PROCR: variants seen among roughly 807,000 people sequenced by gnomAD.
PROCR encodes the protein protein C receptor.
In PROCR, 22 loss-of-function variants were observed where a neutral mutation model predicts 24.2. That is an observed-to-expected ratio of 0.91 (90% confidence interval 0.65 to 1.30). The LOEUF (loss-of-function observed/expected upper bound fraction) is 1.30. Among genes scored for constraint, PROCR ranks in the 50% most tolerant of loss-of-function variants. The pLI is 0.00. For missense variants in PROCR, 288 were observed against 307.7 expected, an observed-to-expected ratio of 0.94 and a Z score of 0.48; for synonymous variants, 137 against 139.2, an observed-to-expected ratio of 0.98 and a Z score of 0.11.
At chr20:35,187,821 C>T (rs187343128) in intron 1 of PROCR, among the ~76,000 whole-genome samples, 1 of 152,266 alleles carries the variant, frequency 6.6e-6, no homozygotes, top group East Asian at 1.9e-4. Context: ...AGGTATCTCC[C>T]AGCTCTGATA....
At chr20:35,212,572 C>A (rs549500546) in intron 1 of PROCR, among the ~76,000 whole-genome samples, 10 of 152,280 alleles carry the variant, frequency 6.6e-5, no homozygotes, top group Non-Finnish European at 1.3e-4. Flanking sequence ...AAGGTCTTGT[C>A]GTAACAGTAA....
chr20:35,205,212 G>T (rs934544531), intron 1 of PROCR, among the ~76,000 whole-genome samples: 1 of 151,566 alleles, frequency 6.6e-6, no homozygotes, highest in Non-Finnish European at 1.5e-5. Flanking sequence ...GGTGGAAGTT[G>T]CAGTGAGCTG....
intron 1 of PROCR, among the ~76,000 whole-genome samples, chr20:35,211,618 G>A (rs971725103): frequency 6.6e-6 from 1 of 152,164 alleles, no homozygotes; most frequent in Non-Finnish European, 1.5e-5. Context: ...GCTAGGTAAT[G>A]TATGAGGTGC....
chr20:35,184,388 T>G (rs1316392393), intron 1 of PROCR, among the ~76,000 whole-genome samples: 2 of 152,196 alleles, frequency 1.3e-5, no homozygotes, highest in African/African-American at 4.8e-5. Context: ...ATCTTTTACC[T>G]TATACAAAAA....
In PROCR at chr20:35,174,735, A is replaced by G; in HGVS notation, c.104A>G (p.Tyr35Cys). Reference protein sequence around the residue: ...LQRLHMLQISYFRDPYHVWYQ... With the variant: ...LQRLHMLQISCFRDPYHVWYQ... ...AGACTTCATATGCTCCAGATCTCCTACTTCCGCGACCCCTATCACGTGTGG... is the reference window on the plus strand; with the variant it reads ...AGACTTCATATGCTCCAGATCTCCTGCTTCCGCGACCCCTATCACGTGTGG... The change falls in exon 2 of 4, where the codon TAC (tyrosine) becomes TGC (cysteine). Residue 35 changes from tyrosine (Y) to cysteine (C), a missense_variant. By Grantham distance (194) the Tyr-to-Cys change is radical (BLOSUM62 -2). Coordinates refer to ENST00000216968, the MANE Select transcript of PROCR (RefSeq NM_006404.5). 2 of 1,613,952 alleles carry G rather than the reference A, an allele frequency of 1.2e-6. No homozygotes were observed. Among genetic ancestry groups the G allele is most frequent in the South Asian group, 2.2e-5 (2 of 91,072 alleles).
intron 1 of PROCR, chr20:35,174,420 C>T: frequency 8.1e-6 from 4 of 496,714 alleles, no homozygotes; most frequent in Middle Eastern, 1.1e-3. Flanking sequence ...TAACAGGAAA[C>T]GGGGGGAGGG....
downstream of PROCR, chr20:35,177,443 C>CTTTTTTT (rs397865849): frequency 2.6e-4 from 147 of 569,200 alleles, no homozygotes; most frequent in African/African-American, 1.5e-3. Context: ...CTCACTCATT[C>CTTTTTTT]TTTTTTTTTT....
At chr20:35,192,435 G>A (rs1419361751) in intron 1 of PROCR, among the ~76,000 whole-genome samples, 1 of 152,202 alleles carries the variant, frequency 6.6e-6, no homozygotes. Flanking sequence ...CAGGGTGGGA[G>A]AATTTATCAG....
At chr20:35,211,790 G>C (rs1450113253) in intron 1 of PROCR, among the ~76,000 whole-genome samples, 1 of 152,150 alleles carries the variant, frequency 6.6e-6, no homozygotes, top group African/African-American at 2.4e-5. Context: ...GAGGCAGGAG[G>C]ATCACCCGAG....
chr20:35,174,317 C>T, intron 1 of PROCR: 1 of 321,378 alleles, frequency 3.1e-6, no homozygotes, highest in Non-Finnish European at 6.1e-6. Context: ...CGGATGAATC[C>T]TGAATCAGGG....
At chr20:35,172,316 A>C in intron 1 of PROCR, 92 bp downstream of exon 1, 659 of 1,428,190 alleles carry the variant, frequency 4.6e-4, no homozygotes, top group Non-Finnish European at 5.9e-4. Context: ...AGCTTATCTC[A>C]CAGCATCTGT....
At chr20:35,198,196 G>A (rs959990236) in intron 1 of PROCR, among the ~76,000 whole-genome samples, 1 of 151,946 alleles carries the variant, frequency 6.6e-6, no homozygotes, top group Non-Finnish European at 1.5e-5. Context: ...GGAGGCTGAG[G>A]CAGGAGAATG....
intron 1 of PROCR, among the ~76,000 whole-genome samples, chr20:35,215,050 G>A (rs942910688): frequency 6.6e-6 from 1 of 151,936 alleles, no homozygotes; most frequent in South Asian, 2.1e-4. Flanking sequence ...GGGATTACAG[G>A]CACGCGCCAC....
chr20:35,210,972 C>T (rs534205672), intron 1 of PROCR, among the ~76,000 whole-genome samples: 128 of 152,272 alleles, frequency 8.4e-4, no homozygotes, highest in African/African-American at 2.7e-3. Context: ...CTCTGCCTCC[C>T]AAAGTGCTGG....
At chr20:35,197,821 CA>C (rs66587294) in intron 1 of PROCR, among the ~76,000 whole-genome samples, 54,161 of 115,620 alleles carry the variant, frequency 0.47, 10,533 homozygotes, top group East Asian at 0.64. Flanking sequence ...GACTCCGTCT[CA>C]AAAAAAAAAA....
intron 1 of PROCR, among the ~76,000 whole-genome samples, chr20:35,200,043 A>G (rs995186771): frequency 2.0e-5 from 3 of 152,224 alleles, no homozygotes; most frequent in African/African-American, 7.2e-5. Context: ...AAGCCTGCAA[A>G]TGTGGCTGAA....
At chr20:35,195,820 C>CAAAA (rs58205912) in intron 1 of PROCR, among the ~76,000 whole-genome samples, 1 of 77,596 alleles carries the variant, frequency 1.3e-5, no homozygotes, top group African/African-American at 4.0e-5. Flanking sequence ...GAGTCTGTCT[C>CAAAA]AAAAAAAAAA....
chr20:35,193,937 T>G (rs2146165881), intron 1 of PROCR, among the ~76,000 whole-genome samples: 1 of 152,224 alleles, frequency 6.6e-6, no homozygotes, highest in East Asian at 1.9e-4. Flanking sequence ...GCCCCAACAT[T>G]TAAAGGCTGG....
chr20:35,212,900 C>T (rs1211719289), intron 1 of PROCR, among the ~76,000 whole-genome samples: 1 of 152,178 alleles, frequency 6.6e-6, no homozygotes, highest in African/African-American at 2.4e-5. Flanking sequence ...TCTGTTTTAT[C>T]ATGCCCTCTT....
Sources: gnomAD v4.1 joint callset for allele counts (sites outside exome capture counted in the v4.1 genomes callset) on GRCh38, gnomAD v4.1.1 for gene constraint, MANE v1.5 for transcripts, NCBI Gene and HGNC (gene_info 2026-07-23, HGNC 2026-07-21) for gene names.